The following GBP1 variants were observed in gnomAD, a reference collection of about 807,000 sequenced individuals.
GBP1 encodes guanylate binding protein 1.
Under a neutral mutation model 69.5 loss-of-function variants are expected in GBP1, and 64 were observed. The ratio of observed to expected loss-of-function variants is 0.92; its 90% CI spans 0.75 to 1.13. The LOEUF is 1.13. Among genes scored for constraint, GBP1 ranks in the 50% most tolerant of loss-of-function variants. GBP1 has a pLI of 0.00. For synonymous variants in GBP1, 250 were observed against 261.2 expected (o/e 0.96, Z 0.41); for missense variants, 630 against 704.1 (o/e 0.89, Z 1.19).
At position 89,053,391 on chromosome 1, in the gene GBP1, C is replaced by T. The variant is rs368691407; in HGVS notation, c.1743G>A (p.Thr581=). 39 of 1,613,658 alleles carry T rather than the reference C, an allele frequency of 2.4e-5. No homozygotes were observed. Among genetic ancestry groups the T allele is most frequent in the Non-Finnish European group, 3.0e-5 (35 of 1,179,966 alleles). ...IMKNEIQDLQ[T]KMRRRKACTI... ...TACATGCCTTTCGTCGTCTCATTTTCGTCTGGAGATCCTGTATCTCATTTT... is the reference window on the plus strand; with the variant it reads ...TACATGCCTTTCGTCGTCTCATTTTTGTCTGGAGATCCTGTATCTCATTTT... Residue 581 remains threonine (T), a synonymous_variant, in exon 11 of 11, where the codon ACG becomes ACA. Coordinates refer to ENST00000370473, the MANE Select transcript of GBP1 (RefSeq NM_002053.3).
Position 89,053,274 on chromosome 1 carries a change from T to C in GBP1, c.*81A>G, listed in dbSNP as rs113435322. 266 of 1,001,704 alleles carry C rather than the reference T, an allele frequency of 2.7e-4. 2 individuals are homozygous for C. In the African/African-American group the frequency reaches 3.0e-3, roughly 11 times the overall value. 62.1% of individuals were successfully genotyped at this position (1,001,704 alleles called of 1,614,324 possible). ...GTTATGATGCAAGATCTAATTATTATCAAATGTAGTGACGCTTGTTCCAAA... is the reference window on the plus strand; with the variant it reads ...GTTATGATGCAAGATCTAATTATTACCAAATGTAGTGACGCTTGTTCCAAA... On this transcript the variant is annotated 3_prime_UTR_variant, in exon 11 of 11. Coordinates refer to ENST00000370473, the MANE Select transcript of GBP1 (RefSeq NM_002053.3).
chr1:89,062,913 A>G, intron 2 of GBP1, 132 bp downstream of exon 2: 1 of 1,061,200 alleles, frequency 9.4e-7, no homozygotes, highest in Admixed American at 2.2e-5. Flanking sequence ...GAAGATAAGG[A>G]GCCCGACTGT....
chr1:89,053,255 A>T lies in GBP1; in HGVS notation c.*100T>A. 2 of 787,314 alleles carry T rather than the reference A, an allele frequency of 2.5e-6. No homozygotes were observed. Among genetic ancestry groups the T allele is most frequent in the Admixed American group, 2.8e-5 (1 of 35,812 alleles). The allele number at this position is 787,314 out of a possible 1,614,324, so 48.8% of individuals were successfully genotyped here. On this transcript the variant is annotated 3_prime_UTR_variant, in exon 11 of 11. Transcript: ENST00000370473. ...GCCTTTATAAACTTTTGGTGTTATG[A>T]TGCAAGATCTAATTATTATCAAATG...
intron 6 of GBP1, 107 bp downstream of exon 6, chr1:89,057,885 C>T (rs1680083861): frequency 1.7e-6 from 2 of 1,208,446 alleles, no homozygotes; most frequent in African/African-American, 1.5e-5. Flanking sequence ...GAATTTAACA[C>T]AAATATAGCA....
chr1:89,058,137 G>A lies in GBP1; in HGVS notation c.729C>T (p.His243=). Residue 243 remains histidine, a synonymous_variant, in exon 6 of 11, where the codon CAC becomes CAT. Transcript: ENST00000370473. ...TCTCGAGCTGGGCAAGCTTCCTGCG[G>A]TGAACGGGCCGATCAAAGACAAAGC... ...KKCFVFDRPV[H]RRKLAQLEKL... is the part of the protein sequence containing the mutation. 6.2e-7 allele frequency: 1 copy of A among 1,614,150 alleles called. No individual in the cohort carries two copies. Among genetic ancestry groups the A allele is most frequent in the Non-Finnish European group, 8.5e-7 (1 of 1,179,994 alleles).
intron 8 of GBP1, 79 bp downstream of exon 8, chr1:89,055,937 G>T (rs1680031141): frequency 6.6e-7 from 1 of 1,520,492 alleles, no homozygotes; most frequent in African/African-American, 1.4e-5. Context: ...ACATCTGTAT[G>T]CAGTGAAGCT....
At chr1:89,060,381 T>G in intron 2 of GBP1, 57 bp from the exon 3 acceptor site, 1 of 1,444,484 alleles carries the variant, frequency 6.9e-7, no homozygotes, top group South Asian at 1.5e-5. Flanking sequence ...GTTCTGGCAA[T>G]TGAAGGAAAA....
chr1:89,059,536 CTT>C (rs34279176), intron 3 of GBP1, 110 bp from the exon 4 acceptor site: 46,145 of 578,638 alleles, frequency 0.08, 75 homozygotes, highest in East Asian at 0.097. Flanking sequence ...TTTTTCTTTT[CTT>C]TTTTTTTTTT....
chr1:89,064,230 TGTGTGTGTGTGAGAGAGA>T (rs1680276290), intron 1 of GBP1, among the ~76,000 whole-genome samples: 3 of 110,456 alleles, frequency 2.7e-5, no homozygotes, highest in African/African-American at 9.9e-5. Flanking sequence ...TGTGTGTGTG[TGTGTGTGTGTGAGAGAGA>T]GAGAGAGAGA....
At position 89,057,167 on chromosome 1, in the gene GBP1, GT is replaced by G. The variant is rs2101224445; in HGVS notation, c.875-34del. The G allele has an allele frequency of 2.5e-6, 4 of 1,610,726 alleles. No homozygotes were observed. The Admixed American group carries it at 6.7e-5, about 27-fold the overall frequency. ...TGAAGAACAAATGATAATGTTTCTGGTGGTAAAGAAAGTCTCTATTCCATGT... is the reference window on the plus strand; with the variant it reads ...TGAAGAACAAATGATAATGTTTCTGGGGTAAAGAAAGTCTCTATTCCATGT... On this transcript the variant is annotated intron_variant, in intron 6 of 10. Transcript: ENST00000370473.
Position 89,058,178 on chromosome 1 carries a change from A to G in GBP1, c.688T>C (p.Phe230Leu). 1 of 1,614,078 alleles carries G rather than the reference A, an allele frequency of 6.2e-7. No homozygotes were observed. Among genetic ancestry groups the G allele is most frequent in the Non-Finnish European group, 8.5e-7 (1 of 1,179,954 alleles). The change falls in exon 6 of 11, where the codon TTC (phenylalanine) becomes CTC (leucine). Residue 230 changes from phenylalanine (F) to leucine (L), a missense_variant. This residue lies in a region of GBP1 where 367 missense variants were observed against 369.5 expected (regional missense o/e 0.99). Transcript: ENST00000370473. Reference sequence around the variant, plus strand: ...AAGACAAAGCATTTTTTCTTTGGGAAGAATTTCCGGATACAGAGTCTGGGC... The same window carrying G: ...AAGACAAAGCATTTTTTCTTTGGGAGGAATTTCCGGATACAGAGTCTGGGC... ...NLPRLCIRKF[F>L]PKKKCFVFDR...
intron 8 of GBP1, 184 bp downstream of exon 8, chr1:89,055,832 A>G (rs535357602): frequency 2.3e-4 from 162 of 694,300 alleles, no homozygotes; most frequent in Non-Finnish European, 2.9e-4. Flanking sequence ...AATTGACTGC[A>G]CTCTCTTTGA....
rs1679940963 is a variant in GBP1 at position 89,052,362 on chromosome 1, A to G, written c.*993T>C. 6.6e-6 allele frequency: 1 copy of G among 152,232 alleles called. No individual in the cohort carries two copies. Among genetic ancestry groups the G allele is most frequent in the Non-Finnish European group, 1.5e-5 (1 of 68,034 alleles). 9.4% of individuals were successfully genotyped at this position (152,232 alleles called of 1,614,324 possible). On this transcript the variant is annotated 3_prime_UTR_variant, in exon 11 of 11. Transcript: ENST00000370473. ...TTTTTAATTGCTATAAGAAACATCAACCACTTTCCTAGGACTTTTCACACA... is the reference window on the plus strand; with the variant it reads ...TTTTTAATTGCTATAAGAAACATCAGCCACTTTCCTAGGACTTTTCACACA...
intron 2 of GBP1, among the ~76,000 whole-genome samples, chr1:89,061,364 ATATATATGGTCAAATGATTTCCAG>A (rs1680193045): frequency 1.3e-5 from 2 of 152,284 alleles, no homozygotes; most frequent in South Asian, 4.1e-4. Context: ...ATAAACTCTG[ATATATATGGTCAAATGATTTCCAG>A]TATGGGTGTC....
intron 9 of GBP1, 36 bp from the exon 10 acceptor site, chr1:89,054,911 G>A (rs2101220476): frequency 1.2e-6 from 2 of 1,602,492 alleles, no homozygotes; most frequent in East Asian, 4.5e-5. Flanking sequence ...ATTTGTGTGG[G>A]GTTATCTTGT....
In GBP1 at chr1:89,059,387, C is replaced by T. The variant is rs368835338; in HGVS notation, c.358G>A (p.Val120Ile). The T allele has an allele frequency of 1.1e-4, 171 of 1,613,938 alleles. No homozygotes were observed. Among genetic ancestry groups the T allele is most frequent in the Middle Eastern group, 1.6e-4 (1 of 6,082 alleles). Residue 120 changes from valine to isoleucine, a missense_variant, in exon 4 of 11, where the codon GTC becomes ATC. This residue lies in a region of GBP1 where 26 missense variants were observed against 54.9 expected (regional missense o/e 0.47). Transcript: ENST00000370473. ...TACACGAAGGTGCTGCTCAGGAGGA[C>T]GGCCAGGGCGAAGATCCAGGAGTCA... is the stretch of plus-strand genomic sequence containing the variant. ...QNDSWIFALAVLLSSTFVYNS... is the reference protein window; with the variant it reads ...QNDSWIFALAILLSSTFVYNS...
In GBP1 at chr1:89,054,971, T is replaced by A; in HGVS notation, c.1472-96A>T. 2.7e-6 allele frequency: 4 copies of A among 1,464,208 alleles called. No individual in the cohort carries two copies. The South Asian group carries it at 4.9e-5, about 18-fold the overall frequency. 90.7% of individuals were successfully genotyped at this position (1,464,208 alleles called of 1,614,324 possible). A position where few individuals can be genotyped will look rare whatever the true frequency, so the allele number is the denominator to read the frequency against. ...ACCTGTCGTTGTTGCTGACTGCATA[T>A]GCCCTACTCAGAGATGACCTCGGCA... On this transcript the variant is annotated intron_variant, in intron 9 of 10. Transcript: ENST00000370473.
rs1329572069 is a variant in GBP1 at position 89,060,400 on chromosome 1, A to G, written c.191-76T>C. The G allele has an allele frequency of 4.9e-5, 65 of 1,336,326 alleles. 1 individual carries two copies. In the Middle Eastern group the frequency reaches 7.7e-4, roughly 16 times the overall value. The allele number at this position is 1,336,326 out of a possible 1,614,324, so 82.8% of individuals were successfully genotyped here. A position where few individuals can be genotyped will look rare whatever the true frequency, so the allele number is the denominator to read the frequency against. On this transcript the variant is annotated intron_variant, in intron 2 of 10. Transcript: ENST00000370473. The stretch of plus-strand genomic sequence containing the variant: ...TGGCAATTGAAGGAAAAAGTAGTAT[A>G]TTTAAGGTTAAGAGAGAGAACTGAA...
At chr1:89,062,917 C>T (rs368250664) in intron 2 of GBP1, 128 bp downstream of exon 2, 51 of 1,130,866 alleles carry the variant, frequency 4.5e-5, no homozygotes, top group African/African-American at 3.4e-4. Flanking sequence ...ATAAGGAGCC[C>T]GACTGTGAAT....
Sources: allele counts gnomAD v4.1 joint callset (sites outside exome capture counted in the v4.1 genomes callset), GRCh38; gene constraint gnomAD v4.1.1; regional missense constraint gnomAD v4.1.1; transcripts MANE v1.5; gene names NCBI Gene and HGNC (gene_info 2026-07-23, HGNC 2026-07-21).